Variants in TTLL7 observed in about 807,000 individuals in gnomAD.
The protein encoded by TTLL7 is tubulin polyglutamylase TTLL7.
In TTLL7, 53 loss-of-function variants were observed where a neutral mutation model predicts 120.2. The observed-to-expected ratio is 0.44, with a 90% CI of 0.35 to 0.55. TTLL7 has a LOEUF of 0.55. Among genes scored for constraint, TTLL7 ranks in the 20% least tolerant of loss-of-function variants. The pLI is 0.00. For missense variants in TTLL7, 803 were observed against 1,054.7 expected, an observed-to-expected ratio of 0.76 and a Z score of 3.31; for synonymous variants, 353 against 351.7, an observed-to-expected ratio of 1.00 and a Z score of -0.04.
At chr1:83,956,523 G>A (rs1168541647) in intron 1 of TTLL7, among the ~76,000 whole-genome samples, 2 of 151,692 alleles carry the variant, frequency 1.3e-5, no homozygotes, top group African/African-American at 4.8e-5. Context: ...CGCCTCCCGG[G>A]TTCAAGTGAT....
intron 14 of TTLL7, among the ~76,000 whole-genome samples, chr1:83,917,229 TA>T (rs1466984845): frequency 2.0e-5 from 3 of 152,260 alleles, no homozygotes; most frequent in African/African-American, 4.8e-5. Flanking sequence ...ACAGGGCTTC[TA>T]ATTAGGGTCT....
intron 1 of TTLL7, among the ~76,000 whole-genome samples, chr1:83,985,327 A>C (rs903639069): frequency 3.9e-5 from 6 of 152,208 alleles, no homozygotes; most frequent in Non-Finnish European, 8.8e-5. Flanking sequence ...GAAGCATCCA[A>C]GGCTGGAGAA....
At chr1:83,979,338 G>A (rs891704402) in intron 1 of TTLL7, 1 of 152,196 alleles carries the variant, frequency 6.6e-6, no homozygotes, top group African/African-American at 2.4e-5. Context: ...GGAGGCCACA[G>A]GACCAGTTGA....
chr1:83,974,520 T>C (rs1008988822), intron 1 of TTLL7, among the ~76,000 whole-genome samples: 1 of 152,020 alleles, frequency 6.6e-6, no homozygotes, highest in South Asian at 2.1e-4. Context: ...GACTACTAAA[T>C]GTATCTACTT....
intron 1 of TTLL7, among the ~76,000 whole-genome samples, chr1:83,989,640 A>G (rs954406604): frequency 1.6e-4 from 24 of 152,254 alleles, no homozygotes; most frequent in African/African-American, 5.8e-4. Flanking sequence ...TTAGCTATGC[A>G]GGGTCTTTTT....
rs1647581803 is a variant in TTLL7 at position 83,937,964 on chromosome 1, T to C, written c.776A>G (p.His259Arg). 1 of 1,613,978 alleles carries C rather than the reference T, an allele frequency of 6.2e-7. No individual in the cohort carries two copies. The highest frequency in any genetic ancestry group is 8.5e-7 in the Non-Finnish European group (1 of 1,179,976). Residue 259 changes from histidine (H) to arginine (R), a missense_variant, in exon 8 of 21, where the codon CAT becomes CGT. Coordinates refer to ENST00000260505, the MANE Select transcript of TTLL7 (RefSeq NM_024686.6). ...TNYSVNKHNE[H>R]FERDETENKG... ...GTTCTCAGTTTCATCCCGTTCAAAA[T>C]GCTCATTATGCTTGTTCACGGAGTA...
At position 83,919,793 on chromosome 1, in the gene TTLL7, T is replaced by C; in HGVS notation, c.1406A>G (p.Tyr469Cys). The part of the protein sequence containing the change: ...PPEDKALLEK[Y>C]ENLLAVAFQT... Reference sequence around the variant, plus strand: ...AAAGGCAACAGCTAACAAATTTTCATACTTTTCAAGTAATGCTTTATCTTC... The same window carrying C: ...AAAGGCAACAGCTAACAAATTTTCACACTTTTCAAGTAATGCTTTATCTTC... The change falls in exon 13 of 21, where the codon TAT (tyrosine) becomes TGT (cysteine). Residue 469 changes from tyrosine (Y) to cysteine (C), a missense_variant. This residue lies in a region of TTLL7 where 324 missense variants were observed against 507.7 expected (regional missense o/e 0.64). Transcript: ENST00000260505. The C allele has an allele frequency of 1.2e-6, 2 of 1,612,980 alleles. No homozygotes were observed. Among genetic ancestry groups the C allele is most frequent in the Non-Finnish European group, 1.7e-6 (2 of 1,179,418 alleles).
intron 7 of TTLL7, among the ~76,000 whole-genome samples, chr1:83,940,733 A>C (rs1184939947): frequency 6.6e-6 from 1 of 152,104 alleles, no homozygotes. Flanking sequence ...TTCCTTCCAT[A>C]TATGGTCAGA....
At chr1:83,908,567 A>G (rs985215385) in intron 15 of TTLL7, among the ~76,000 whole-genome samples, 2 of 152,064 alleles carry the variant, frequency 1.3e-5, no homozygotes, top group Admixed American at 6.6e-5. Context: ...ATCTTCCCCA[A>G]TGCATACTAA....
Position 83,933,834 on chromosome 1 carries a change from G to A in TTLL7, c.889-68C>T, listed in dbSNP as rs1659800319. The A allele has an allele frequency of 3.1e-5, 46 of 1,500,400 alleles. No homozygotes were observed. The South Asian group carries it at 5.4e-4, about 18-fold the overall frequency. The allele number at this position is 1,500,400 out of a possible 1,614,324, so 92.9% of individuals were successfully genotyped here. ...CATTTCATATGTGCAAATATAACCG[G>A]GGCCCACAAACTGGCAGCCTGGCCA... On this transcript the variant is annotated intron_variant, in intron 8 of 20. Coordinates refer to ENST00000260505, the MANE Select transcript of TTLL7 (RefSeq NM_024686.6).
chr1:83,929,832 T>C (rs546128708), intron 9 of TTLL7, among the ~76,000 whole-genome samples: 1 of 152,144 alleles, frequency 6.6e-6, no homozygotes, highest in Non-Finnish European at 1.5e-5. Flanking sequence ...AATTTCTTAA[T>C]CAGTTAAATC....
intron 20 of TTLL7, among the ~76,000 whole-genome samples, chr1:83,881,903 CA>C (rs1654522845): frequency 1.3e-5 from 2 of 150,294 alleles, no homozygotes; most frequent in Non-Finnish European, 3.0e-5. Context: ...GAATACTATG[CA>C]GCCATAAAAA....
At chr1:83,949,585 C>A in intron 4 of TTLL7, 3 of 320,220 alleles carry the variant, frequency 9.4e-6, no homozygotes, top group Admixed American at 5.3e-5. Flanking sequence ...CTTGGCCTCC[C>A]AAAATGCTGG....
chr1:83,939,405 A>C (rs1647720687), intron 7 of TTLL7, among the ~76,000 whole-genome samples: 1 of 152,218 alleles, frequency 6.6e-6, no homozygotes, highest in Admixed American at 6.5e-5. Context: ...CTAGTATTCT[A>C]GTGAAAAATT....
chr1:83,873,477 AG>A (rs1476787801), intron 20 of TTLL7, among the ~76,000 whole-genome samples: 1 of 152,168 alleles, frequency 6.6e-6, no homozygotes, highest in African/African-American at 2.4e-5. Flanking sequence ...ATTTGTGTAA[AG>A]CACTAAAAAA....
chr1:83,938,803 T>TAATTCCTACCCTCCTCATGA (rs1647658483), intron 7 of TTLL7, among the ~76,000 whole-genome samples: 1 of 152,236 alleles, frequency 6.6e-6, no homozygotes, highest in Non-Finnish European at 1.5e-5. Flanking sequence ...AATCTATCTT[T>TAATTCCTACCCTCCTCATGA]AATTCCTACC....
intron 1 of TTLL7, among the ~76,000 whole-genome samples, chr1:83,967,487 A>C (rs1650578012): frequency 6.6e-6 from 1 of 152,088 alleles, no homozygotes; most frequent in Non-Finnish European, 1.5e-5. Context: ...AAAGGGCTGA[A>C]CCTGCAGAAG....
At chr1:83,995,347 G>A (rs953424124) in intron 1 of TTLL7, among the ~76,000 whole-genome samples, 15 of 151,564 alleles carry the variant, frequency 9.9e-5, no homozygotes, top group African/African-American at 3.4e-4. Context: ...TTTGAATCCT[G>A]GGGACATATC....
At chr1:83,971,454 T>G (rs1650967950) in intron 1 of TTLL7, among the ~76,000 whole-genome samples, 1 of 152,142 alleles carries the variant, frequency 6.6e-6, no homozygotes, top group Admixed American at 6.6e-5. Flanking sequence ...ATTATATTGT[T>G]CATCTGTTGT....
Sources: allele counts gnomAD v4.1 joint callset (sites outside exome capture counted in the v4.1 genomes callset), GRCh38; gene constraint gnomAD v4.1.1; regional missense constraint gnomAD v4.1.1; transcripts MANE v1.5; gene names NCBI Gene and HGNC (gene_info 2026-07-23, HGNC 2026-07-21).